The following SIGLEC10 variants were observed in gnomAD, a reference collection of about 807,000 sequenced individuals.
The protein encoded by SIGLEC10 is sialic acid binding Ig like lectin 10, also known as sialic acid-binding Ig-like lectin 10.
A neutral mutation model predicts 68.3 loss-of-function variants in SIGLEC10; 45 were observed. That is an observed-to-expected ratio of 0.66 (90% confidence interval 0.52 to 0.84). The LOEUF (loss-of-function observed/expected upper bound fraction) is 0.84, where lower values mean the gene tolerates loss of function less well. Among genes scored for constraint, SIGLEC10 ranks in the 40% least tolerant of loss-of-function variants. The pLI, the probability that SIGLEC10 is intolerant of heterozygous loss-of-function variation, is 0.00. For synonymous variants in SIGLEC10, 379 were observed against 370.8 expected (o/e 1.02, Z -0.26); for missense variants, 789 against 883.1 (o/e 0.89, Z 1.35).
In SIGLEC10 at chr19:51,411,362, G is replaced by A. The variant is rs201325603; in HGVS notation, c.1831C>T (p.Arg611Trp). The A allele has an allele frequency of 8.7e-6, 14 of 1,613,564 alleles. No homozygotes were observed. The highest frequency in any genetic ancestry group is 4.5e-5 in the East Asian group (2 of 44,886). Residue 611 changes from arginine to tryptophan, a missense_variant, in exon 11 of 11, where the codon CGG (arginine) becomes TGG (tryptophan). Arg to Trp is a moderately radical substitution (Grantham distance 101). Coordinates refer to ENST00000339313, the MANE Select transcript of SIGLEC10 (RefSeq NM_033130.5). ...CTGTTTGGTGTGGCTTTCTGATTCC[G>A]CTTCTGAGCCTGAGGGAAGAACCAC... Reference protein sequence around the residue: ...VPTAGPLAQKRNQKATPNSPR... With the variant: ...VPTAGPLAQKWNQKATPNSPR...
intron 3 of SIGLEC10, 94 bp from the exon 4 acceptor site, chr19:51,416,451 C>G: frequency 1.2e-6 from 2 of 1,610,904 alleles, no homozygotes; most frequent in Non-Finnish European, 1.7e-6. Flanking sequence ...GGGACTATCC[C>G]GGGAAGACAA....
rs1988551807 is a variant in SIGLEC10, at chr19:51,415,731, A to G, written c.1025-116T>C. 1.9e-5 allele frequency: 30 copies of G among 1,583,294 alleles called. No homozygotes were observed. The South Asian group carries it at 3.0e-4, about 16-fold the overall frequency. On this transcript the variant is annotated intron_variant, in intron 5 of 10. Coordinates refer to ENST00000339313, the MANE Select transcript of SIGLEC10 (RefSeq NM_033130.5). ...GGGTGGGATAGAAGGGCAGGGCAGA[A>G]TCACCCACTGAGTCCCAGACACAAA...
intron 5 of SIGLEC10, 133 bp downstream of exon 5, chr19:51,415,765 G>A (rs1269274059): frequency 6.4e-7 from 1 of 1,568,778 alleles, no homozygotes; most frequent in African/African-American, 1.4e-5. Flanking sequence ...AACTGCATGA[G>A]GGTCTACACA....
intron 4 of SIGLEC10, 51 bp from the exon 5 acceptor site, chr19:51,416,218 A>AC (rs1482872841): frequency 6.2e-7 from 1 of 1,607,240 alleles, no homozygotes; most frequent in African/African-American, 1.3e-5. Flanking sequence ...AGAAAGAGAG[A>AC]AGGGGTACAG....
chr19:51,416,924 T>C lies in SIGLEC10; in HGVS notation c.448A>G (p.Ile150Val). 6.2e-7 allele frequency: 1 copy of C among 1,613,486 alleles called. No individual in the cohort carries two copies. The highest frequency in any genetic ancestry group is 1.3e-5 in the African/African-American group (1 of 75,008). The change falls in exon 3 of 11, where the codon ATC (isoleucine) becomes GTC (valine). Residue 150 changes from isoleucine (I) to valine (V), a missense_variant. Ile to Val is a conservative substitution (Grantham distance 29). Coordinates refer to ENST00000339313, the MANE Select transcript of SIGLEC10 (RefSeq NM_033130.5). ...TGCCCGGGCTCCAGGGTCTCGGGGATGTAGACATCAGGCTTCTGAGTCAGG... is the reference window on the plus strand; with the variant it reads ...TGCCCGGGCTCCAGGGTCTCGGGGACGTAGACATCAGGCTTCTGAGTCAGG... ...TALTQKPDVYIPETLEPGQPV... is the reference protein window; with the variant it reads ...TALTQKPDVYVPETLEPGQPV...
chr19:51,417,537 C>A lies in SIGLEC10; in HGVS notation c.37+8G>T. ...CCCCAGGTCCTTTCCGGCCCTTGGC[C>A]CACTCACCGCCCAGCAGCGAGGACA... On this transcript the variant is annotated splice_region_variant and intron_variant, in intron 1 of 10. Coordinates refer to ENST00000339313, the MANE Select transcript of SIGLEC10 (RefSeq NM_033130.5). 6.2e-7 allele frequency: 1 copy of A among 1,614,256 alleles called. No individual in the cohort carries two copies. Among genetic ancestry groups the A allele is most frequent in the Non-Finnish European group, 8.5e-7 (1 of 1,180,036 alleles).
In SIGLEC10 at chr19:51,416,183, A is replaced by G. The variant is rs746788458; in HGVS notation, c.755-16T>C. On this transcript the variant is annotated splice_polypyrimidine_tract_variant and intron_variant, in intron 4 of 10. Coordinates refer to ENST00000339313, the MANE Select transcript of SIGLEC10 (RefSeq NM_033130.5). Reference sequence around the variant, plus strand: ...GGCTCCAGGGCTGGAGTGGGAGGAAAAAAAAAAAAGAGAGAAAGGGAGGGA... The same window carrying G: ...GGCTCCAGGGCTGGAGTGGGAGGAAGAAAAAAAAAGAGAGAAAGGGAGGGA... 48 of 1,558,338 alleles carry G rather than the reference A, an allele frequency of 3.1e-5. No individual in the cohort carries two copies. In the East Asian group the frequency reaches 1.1e-3, roughly 34 times the overall value.
In SIGLEC10 at chr19:51,414,536, G is replaced by A. The variant is rs1322916000; in HGVS notation, c.1616-21C>T. 2 of 1,609,506 alleles carry A rather than the reference G, an allele frequency of 1.2e-6. No individual in the cohort carries two copies. The highest frequency in any genetic ancestry group is 2.2e-5 in the East Asian group (1 of 44,834). On this transcript the variant is annotated intron_variant, in intron 8 of 10. Transcript: ENST00000339313. The surrounding 1 kb of genome is among the most constrained non-coding windows in gnomAD (Gnocchi z 4.1). ...CTTATCTGCACACGGAGAGGGCAAG[G>A]TGAGCATTTCCCATCCACGCAGGGC...
At position 51,416,742 on chromosome 19, in the gene SIGLEC10, G is replaced by A. The variant is rs1226197133; in HGVS notation, c.630C>T (p.Asn210=). Residue 210 remains asparagine, a synonymous_variant, in exon 3 of 11, where the codon AAC becomes AAT. Coordinates refer to ENST00000339313, the MANE Select transcript of SIGLEC10 (RefSeq NM_033130.5). ...LSFTPRPQDH[N]TDLTCHVDFS... is the part of the protein sequence containing the mutation. Reference sequence around the variant, plus strand: ...AGTCCACATGGCAGGTGAGGTCGGTGTTGTGGTCCTGGGGTCTGGGCGTGA... The same window carrying A: ...AGTCCACATGGCAGGTGAGGTCGGTATTGTGGTCCTGGGGTCTGGGCGTGA... 11 of 1,614,126 alleles carry A rather than the reference G, an allele frequency of 6.8e-6. No individual in the cohort carries two copies. The highest frequency in any genetic ancestry group is 9.3e-6 in the Non-Finnish European group (11 of 1,180,048).
At chr19:51,413,874 G>T in intron 9 of SIGLEC10, 51 bp from the exon 10 acceptor site, 1 of 1,440,972 alleles carries the variant, frequency 6.9e-7, no homozygotes, top group Non-Finnish European at 9.8e-7. Context: ...CCCTGTGACA[G>T]ACTGCCACGT....
chr19:51,415,564 C>T lies in SIGLEC10; in HGVS notation c.1072+4G>A, dbSNP rs761854810. 1 of 1,614,038 alleles carries T rather than the reference C, an allele frequency of 6.2e-7. No homozygotes were observed. The highest frequency in any genetic ancestry group is 1.7e-5 in the Admixed American group (1 of 60,016). On this transcript the variant is annotated splice_donor_region_variant and intron_variant, in intron 6 of 10. Transcript: ENST00000339313. Reference sequence around the variant, plus strand: ...GGCCTTGGCTCCTCTGTCCCCTTTCCTACCTGTCCTGTTTGCTTGGGAAAC... The same window carrying T: ...GGCCTTGGCTCCTCTGTCCCCTTTCTTACCTGTCCTGTTTGCTTGGGAAAC...
Position 51,416,724 on chromosome 19 carries a change from A to G in SIGLEC10, c.648T>C (p.His216=), listed in dbSNP as rs1186491949. The G allele has an allele frequency of 3.1e-6, 5 of 1,614,222 alleles. No individual in the cohort carries two copies. Among genetic ancestry groups the G allele is most frequent in the East Asian group, 4.5e-5 (2 of 44,878 alleles). The part of the protein sequence containing the change: ...PQDHNTDLTC[H]VDFSRKGVSA... ...TCACACCCTTTCTGGAGAAGTCCAC[A>G]TGGCAGGTGAGGTCGGTGTTGTGGT... The change falls in exon 3 of 11, where the codon CAT becomes CAC. Residue 216 remains histidine, a synonymous_variant. Transcript: ENST00000339313.
chr19:51,415,294 T>C lies in SIGLEC10; in HGVS notation c.1217A>G (p.Asp406Gly). 6.2e-7 allele frequency: 1 copy of C among 1,613,672 alleles called. No homozygotes were observed. Among genetic ancestry groups the C allele is most frequent in the Non-Finnish European group, 8.5e-7 (1 of 1,179,852 alleles). The change falls in exon 7 of 11, where the codon GAC (aspartate) becomes GGC (glycine). Residue 406 changes from aspartate to glycine, a missense_variant. Coordinates refer to ENST00000339313, the MANE Select transcript of SIGLEC10 (RefSeq NM_033130.5). Reference protein sequence around the residue: ...GQVLSPSQPSDPGVLELPRVQ... With the variant: ...GQVLSPSQPSGPGVLELPRVQ... The stretch of plus-strand genomic sequence containing the variant: ...CCGAGGCAGCTCCAGGACCCCGGGG[T>C]CTGAGGGCTGGGAGGGGCTCAGAAC...
chr19:51,415,350 T>C lies in SIGLEC10; in HGVS notation c.1161A>G (p.Pro387=), dbSNP rs1031289940. 13 of 1,613,182 alleles carry C rather than the reference T, an allele frequency of 8.1e-6. No homozygotes were observed. The highest frequency in any genetic ancestry group is 1.7e-5 in the Admixed American group (1 of 59,936). Residue 387 remains proline, a synonymous_variant, in exon 7 of 11, where the codon CCA becomes CCG. Coordinates refer to ENST00000339313, the MANE Select transcript of SIGLEC10 (RefSeq NM_033130.5). Reference sequence around the variant, plus strand: ...CCCTCTGGGTCCAGCTCAGCCTGGCTGGGGGGCTGCTGTGTGTGACACAGA... The same window carrying C: ...CCCTCTGGGTCCAGCTCAGCCTGGCCGGGGGGCTGCTGTGTGTGACACAGA... ...CLVCVTHSSP[P]ARLSWTQRGQ...
At position 51,416,910 on chromosome 19, in the gene SIGLEC10, C is replaced by T. The variant is rs1180160117; in HGVS notation, c.462G>A (p.Leu154=). ...QKPDVYIPET[L]EPGQPVTVIC... ...TGACCGTCACCGGCTGCCCGGGCTC[C>T]AGGGTCTCGGGGATGTAGACATCAG... is the stretch of plus-strand genomic sequence containing the variant. The change falls in exon 3 of 11, where the codon CTG becomes CTA. Residue 154 remains leucine (L), a synonymous_variant. Coordinates refer to ENST00000339313, the MANE Select transcript of SIGLEC10 (RefSeq NM_033130.5). 6.2e-7 allele frequency: 1 copy of T among 1,614,032 alleles called. No homozygotes were observed.
chr19:51,414,909 A>G lies in SIGLEC10; in HGVS notation c.1530T>C (p.His510=), dbSNP rs1460882907. The change falls in exon 8 of 11, where the codon CAT becomes CAC. Residue 510 remains histidine (H), a synonymous_variant. Transcript: ENST00000339313. This position sits in a 1 kb window ranked among gnomAD's most constrained non-coding sequence, Gnocchi z 4.1. ...GPWANSSLSL[H]GGLSSGLRLR... ...GCCTGAGGCCGGAGCTGAGCCCTCC[A>G]TGGAGGCTCAGGGAGCTGTTGGCCC... 1.2e-6 allele frequency: 2 copies of G among 1,614,066 alleles called. No homozygotes were observed. Among genetic ancestry groups the G allele is most frequent in the Non-Finnish European group, 1.7e-6 (2 of 1,180,014 alleles).
chr19:51,416,818 A>T lies in SIGLEC10; in HGVS notation c.554T>A (p.Leu185His). ...PPSFSWTGAA[L>H]SSQGTKPTTS... ...CGTTGGTTTGGTTCCTTGGGAGGAG[A>T]GGGCAGCCCCCGTCCAGGAGAAAGA... Residue 185 changes from leucine to histidine, a missense_variant, in exon 3 of 11, where the codon CTC becomes CAC. Leu to His is a moderately conservative substitution (Grantham distance 99). Coordinates refer to ENST00000339313, the MANE Select transcript of SIGLEC10 (RefSeq NM_033130.5). The T allele has an allele frequency of 6.2e-7, 1 of 1,614,132 alleles. No individual in the cohort carries two copies. The highest frequency in any genetic ancestry group is 8.5e-7 in the Non-Finnish European group (1 of 1,180,018).
rs755021240 is a variant in SIGLEC10, at chr19:51,413,776, G to A, written c.1757C>T (p.Pro586Leu). The change falls in exon 10 of 11, where the codon CCC (proline) becomes CTC (leucine). Residue 586 changes from proline (P) to leucine (L), a missense_variant. Transcript: ENST00000339313. ...GATCGTGCTGTGCCGGGAGAACCTG[G>A]GCCTCGGGGTTTCTGTCTGAGTCCG... ...KRRTQTETPR[P>L]RFSRHSTILD... The A allele has an allele frequency of 2.0e-5, 33 of 1,613,964 alleles. No homozygotes were observed. The Admixed American group carries it at 2.5e-4, about 12-fold the overall frequency.
Position 51,414,388 on chromosome 19 carries a change from G to T in SIGLEC10, c.1709+34C>A, listed in dbSNP as rs745458782. 122 of 1,584,420 alleles carry T rather than the reference G, an allele frequency of 7.7e-5. 1 individual carries two copies. The Middle Eastern group carries it at 1.2e-3, about 16-fold the overall frequency. On this transcript the variant is annotated intron_variant, in intron 9 of 10. Coordinates refer to ENST00000339313, the MANE Select transcript of SIGLEC10 (RefSeq NM_033130.5). The surrounding 1 kb of genome is among the most constrained non-coding windows in gnomAD (Gnocchi z 4.1). ...ACACCTCCCCTCTTCCTGGGTCCAG[G>T]CCCCAGACCCCGCCACGCCTCCTCT...
Sources: gnomAD v4.1 joint callset for allele counts on GRCh38, gnomAD v4.1.1 for gene constraint, Gnocchi (gnomAD v3.1) non-coding constraint, MANE v1.5 for transcripts, NCBI Gene and HGNC (gene_info 2026-07-23, HGNC 2026-07-21) for gene names.